The following BRINP3 variants were observed in gnomAD, a reference collection of about 807,000 sequenced individuals.
The protein encoded by BRINP3 is BMP/retinoic acid-inducible neural-specific protein 3.
In BRINP3, 19 loss-of-function variants were observed where a neutral mutation model predicts 71.0. The ratio of observed to expected loss-of-function variants is 0.27; its 90% CI spans 0.19 to 0.39. The LOEUF (loss-of-function observed/expected upper bound fraction) is 0.39. Ranked by LOEUF, BRINP3 falls within the 10% of genes least tolerant of loss-of-function variation. The pLI is 1.00. For missense variants in BRINP3, 959 were observed against 940.8 expected (o/e 1.02, Z -0.25); for synonymous variants, 380 against 337.7 (o/e 1.13, Z -1.37).
chr1:190,368,468 G>A (rs775399253), intron 2 of BRINP3, among the ~76,000 whole-genome samples: 18 of 148,882 alleles, frequency 1.2e-4, no homozygotes, highest in South Asian at 4.4e-4. Context: ...TTAAAAGCCC[G>A]TGCCCTTATA....
chr1:190,343,869 A>T (rs1180648974), intron 2 of BRINP3, among the ~76,000 whole-genome samples: 1 of 151,740 alleles, frequency 6.6e-6, no homozygotes, highest in Non-Finnish European at 1.5e-5. Flanking sequence ...ATCTATAGTC[A>T]TAAGCTTATT....
At chr1:190,322,689 A>C (rs538127051) in intron 2 of BRINP3, among the ~76,000 whole-genome samples, 1 of 152,210 alleles carries the variant, frequency 6.6e-6, no homozygotes, top group East Asian at 1.9e-4. Context: ...ACTTCTCAGA[A>C]AGGATGGAGG....
chr1:190,158,053 A>T (rs1370475456), intron 7 of BRINP3, among the ~76,000 whole-genome samples: 1 of 152,146 alleles, frequency 6.6e-6, no homozygotes, highest in African/African-American at 2.4e-5. Context: ...ATAAGTGGGA[A>T]CTGATATAGT....
intron 2 of BRINP3, among the ~76,000 whole-genome samples, chr1:190,327,326 C>CAAAAAAAA (rs1227478693): frequency 1.1e-3 from 48 of 44,238 alleles, no homozygotes; most frequent in African/African-American, 1.4e-3. Context: ...AAAAAAAGAA[C>CAAAAAAAA]AAAAAAAAAA....
intron 6 of BRINP3, among the ~76,000 whole-genome samples, chr1:190,175,153 G>A (rs577280298): frequency 5.3e-5 from 8 of 152,166 alleles, no homozygotes; most frequent in African/African-American, 1.9e-4. Context: ...ATTTTTAGTA[G>A]TAATCTAGGC....
At chr1:190,275,033 AC>A (rs1662434860) in intron 3 of BRINP3, among the ~76,000 whole-genome samples, 1 of 151,580 alleles carries the variant, frequency 6.6e-6, no homozygotes, top group Admixed American at 6.6e-5. Context: ...AGAGCAACTG[AC>A]CTTATGATTA....
chr1:190,395,511 A>T (rs1671511647), intron 2 of BRINP3, among the ~76,000 whole-genome samples: 1 of 151,778 alleles, frequency 6.6e-6, no homozygotes, highest in Non-Finnish European at 1.5e-5. Context: ...TGGTCTTTGA[A>T]CCCAGTAAAT....
In BRINP3 at chr1:190,477,478, T is replaced by G. The variant is rs1420521481; in HGVS notation, c.-81A>C. ...GAAATTTCAGGAAGCAAGAAGACTG[T>G]GAGAAAAATACATCCAGGATTCAAA... On this transcript the variant is annotated 5_prime_UTR_variant, in exon 1 of 8. Coordinates refer to ENST00000367462, the MANE Select transcript of BRINP3 (RefSeq NM_199051.3). 1 of 152,076 alleles carries G rather than the reference T, an allele frequency of 6.6e-6. No homozygotes were observed. The highest frequency in any genetic ancestry group is 2.4e-5 in the African/African-American group (1 of 41,406). 9.4% of individuals were successfully genotyped at this position (152,076 alleles called of 1,614,324 possible).
intron 2 of BRINP3, among the ~76,000 whole-genome samples, chr1:190,425,510 C>T (rs906204083): frequency 6.6e-6 from 1 of 151,690 alleles, no homozygotes; most frequent in African/African-American, 2.4e-5. Context: ...AAGAAAGTGC[C>T]AATTCACTTG....
At chr1:190,328,125 T>C (rs909414290) in intron 2 of BRINP3, among the ~76,000 whole-genome samples, 14 of 151,928 alleles carry the variant, frequency 9.2e-5, no homozygotes, top group Non-Finnish European at 4.4e-5. Context: ...CTCAAACTGA[T>C]GAATTAACAA....
intron 2 of BRINP3, among the ~76,000 whole-genome samples, chr1:190,364,951 T>C (rs981349215): frequency 6.6e-6 from 1 of 152,094 alleles, no homozygotes; most frequent in African/African-American, 2.4e-5. Flanking sequence ...CTCAAGACTC[T>C]ATGGACTGAT....
At chr1:190,139,780 T>C (rs1655279046) in intron 7 of BRINP3, among the ~76,000 whole-genome samples, 1 of 152,170 alleles carries the variant, frequency 6.6e-6, no homozygotes, top group South Asian at 2.1e-4. Flanking sequence ...TAAGGTTTTC[T>C]CCAGGCAACA....
intron 1 of BRINP3, among the ~76,000 whole-genome samples, chr1:190,460,563 A>G (rs1676320165): frequency 6.6e-6 from 1 of 152,174 alleles, no homozygotes; most frequent in African/African-American, 2.4e-5. Context: ...ATCAATTGCA[A>G]TGTGCAAAAT....
chr1:190,203,327 C>A (rs1197668459), intron 6 of BRINP3, among the ~76,000 whole-genome samples: 2 of 151,050 alleles, frequency 1.3e-5, no homozygotes, highest in Admixed American at 1.3e-4. Context: ...TCTAAAGGAC[C>A]ATGAGATGCA....
At chr1:190,283,387 C>T (rs938741294) in intron 2 of BRINP3, among the ~76,000 whole-genome samples, 1 of 151,864 alleles carries the variant, frequency 6.6e-6, no homozygotes, top group African/African-American at 2.4e-5. Flanking sequence ...GGTGACCATA[C>T]TTTGAATAAA....
rs1310811394 is a variant in BRINP3, at chr1:190,226,069, A to G, written c.961+13T>C. 6.0e-6 allele frequency: 9 copies of G among 1,490,850 alleles called. No homozygotes were observed. The highest frequency in any genetic ancestry group is 8.2e-6 in the Non-Finnish European group (9 of 1,103,042). The allele number at this position is 1,490,850 out of a possible 1,614,324, so 92.4% of individuals were successfully genotyped here. On this transcript the variant is annotated intron_variant, in intron 6 of 7. Transcript: ENST00000367462. ...CAATATTTAAAAGTGTTATATTAAAATACATGTCTTACCTGATTCCTCAAA... is the reference window on the plus strand; with the variant it reads ...CAATATTTAAAAGTGTTATATTAAAGTACATGTCTTACCTGATTCCTCAAA...
intron 6 of BRINP3, among the ~76,000 whole-genome samples, chr1:190,220,913 C>T (rs1038826113): frequency 1.3e-5 from 2 of 152,170 alleles, no homozygotes; most frequent in African/African-American, 4.8e-5. Flanking sequence ...GTGCAATTCT[C>T]TTGTAACCTC....
chr1:190,250,699 C>T (rs1660051990), intron 4 of BRINP3, among the ~76,000 whole-genome samples: 1 of 151,932 alleles, frequency 6.6e-6, no homozygotes, highest in South Asian at 2.1e-4. Context: ...AAGAATTTAG[C>T]TTGGAACAGT....
chr1:190,117,736 C>T (rs1474315753), intron 7 of BRINP3, among the ~76,000 whole-genome samples: 2 of 151,936 alleles, frequency 1.3e-5, no homozygotes, highest in African/African-American at 4.8e-5. Context: ...AGAACTAACA[C>T]CTGGGCATAT....
Sources: allele counts gnomAD v4.1 joint callset (sites outside exome capture counted in the v4.1 genomes callset), GRCh38; gene constraint gnomAD v4.1.1; transcripts MANE v1.5; gene names NCBI Gene and HGNC (gene_info 2026-07-23, HGNC 2026-07-21).